The following APBA1 variants were observed in gnomAD, a reference collection of about 807,000 sequenced individuals.
APBA1 encodes amyloid-beta A4 precursor protein-binding family A member 1.
Under a neutral mutation model 86.6 loss-of-function variants are expected in APBA1, and 55 were observed. The observed-to-expected ratio is 0.64, with a 90% CI of 0.51 to 0.80. The LOEUF (loss-of-function observed/expected upper bound fraction) is 0.80, where lower values mean the gene tolerates loss of function less well. APBA1 is among the 30% of genes least tolerant of loss of function. The pLI, the probability that APBA1 is intolerant of heterozygous loss-of-function variation, is 0.00. For missense variants in APBA1, 1,090 were observed against 1,183.0 expected (o/e 0.92, Z 1.15); for synonymous variants, 511 against 493.9 (o/e 1.03, Z -0.46).
chr9:69,497,440 G>A (rs1000490511), intron 2 of APBA1, among the ~76,000 whole-genome samples: 1 of 152,030 alleles, frequency 6.6e-6, no homozygotes, highest in Non-Finnish European at 1.5e-5. Context: ...AATACACTGG[G>A]CCACACAGAG....
At chr9:69,434,266 A>C (rs2133783060) in intron 11 of APBA1, among the ~76,000 whole-genome samples, 1 of 152,254 alleles carries the variant, frequency 6.6e-6, no homozygotes, top group East Asian at 1.9e-4. Context: ...TCAAGCTGGC[A>C]GCCGGGAAGG....
chr9:69,512,691 A>C (rs1836070957), intron 2 of APBA1, among the ~76,000 whole-genome samples: 1 of 152,128 alleles, frequency 6.6e-6, no homozygotes, highest in Non-Finnish European at 1.5e-5. Flanking sequence ...TTTTCCTTTA[A>C]ATCAGTAGTT....
intron 1 of APBA1, among the ~76,000 whole-genome samples, chr9:69,627,214 T>C (rs1822950877): frequency 6.6e-6 from 1 of 152,126 alleles, no homozygotes; most frequent in South Asian, 2.1e-4. Flanking sequence ...AATTACACTG[T>C]TTTTTCAACT....
At chr9:69,457,944 T>C (rs1835126331) in intron 6 of APBA1, among the ~76,000 whole-genome samples, 1 of 152,174 alleles carries the variant, frequency 6.6e-6, no homozygotes, top group Non-Finnish European at 1.5e-5. Flanking sequence ...CTGTCGTTCC[T>C]CTGAAGTGAA....
At chr9:69,450,066 T>TTG (rs1554689321) in intron 9 of APBA1, among the ~76,000 whole-genome samples, 4 of 149,266 alleles carry the variant, frequency 2.7e-5, no homozygotes, top group African/African-American at 1.0e-4. Flanking sequence ...GTTTTTTTTT[T>TTG]TTTTTTTTTT....
chr9:69,606,627 G>A (rs1452433186), intron 1 of APBA1, among the ~76,000 whole-genome samples: 2 of 151,650 alleles, frequency 1.3e-5, no homozygotes, highest in African/African-American at 2.4e-5. Context: ...GAGTAGCTGG[G>A]ACTACAGGCG....
At chr9:69,482,052 T>C (rs962130628) in intron 2 of APBA1, among the ~76,000 whole-genome samples, 22 of 151,444 alleles carry the variant, frequency 1.5e-4, no homozygotes, top group African/African-American at 2.2e-4. Context: ...ATTCAGGACA[T>C]AGGCATGGGC....
chr9:69,586,577 C>T (rs758810223), intron 1 of APBA1, among the ~76,000 whole-genome samples: 2 of 152,128 alleles, frequency 1.3e-5, no homozygotes, highest in Non-Finnish European at 1.5e-5. Context: ...TTTCTCTAGC[C>T]ACAGTTTGGT....
chr9:69,431,255 C>T lies in APBA1; in HGVS notation c.*72G>A. 4.0e-6 allele frequency: 5 copies of T among 1,252,996 alleles called. No individual in the cohort carries two copies. The highest frequency in any genetic ancestry group is 1.1e-6 in the Non-Finnish European group (1 of 906,612). 77.6% of individuals were successfully genotyped at this position (1,252,996 alleles called of 1,614,324 possible). On this transcript the variant is annotated 3_prime_UTR_variant, in exon 13 of 13. Transcript: ENST00000265381. The stretch of plus-strand genomic sequence containing the variant: ...CGAGAGGGGAAAGTCTCAGTGGACA[C>T]AGGGATGCAGCACGAGAAACACAAC...
At position 69,516,202 on chromosome 9, in the gene APBA1, G is replaced by C; in HGVS notation, c.1009C>G (p.Arg337Gly). ...GPAGGGEAGQ[R>G]YSKEKRDAIS... ...GCATCGCGCTTCTCCTTGCTGTACCGCTGCCCCGCCTCGCCGCCGCCCGCG... is the reference window on the plus strand; with the variant it reads ...GCATCGCGCTTCTCCTTGCTGTACCCCTGCCCCGCCTCGCCGCCGCCCGCG... Residue 337 changes from arginine to glycine, a missense_variant, in exon 2 of 13, where the codon CGG becomes GGG. Coordinates refer to ENST00000265381, the MANE Select transcript of APBA1 (RefSeq NM_001163.4). This position sits in a 1 kb window ranked among gnomAD's most constrained non-coding sequence, Gnocchi z 7.3. The C allele has an allele frequency of 6.5e-7, 1 of 1,539,354 alleles. No individual in the cohort carries two copies. The highest frequency in any genetic ancestry group is 8.8e-7 in the Non-Finnish European group (1 of 1,142,496).
chr9:69,514,662 A>G (rs904371299), intron 2 of APBA1, among the ~76,000 whole-genome samples: 38 of 152,160 alleles, frequency 2.5e-4, no homozygotes, highest in African/African-American at 8.7e-4. Context: ...TAATCCCAGC[A>G]CTTGGGGAGG....
In APBA1 at chr9:69,550,257, T is replaced by G. The variant is rs918346391; in HGVS notation, c.-69-32978A>C. Reference sequence around the variant, plus strand: ...GGATGCAGTGATAAAAATAATAAACTTGATGGAAAATTATGCAATTTCTTT... The same window carrying G: ...GGATGCAGTGATAAAAATAATAAACGTGATGGAAAATTATGCAATTTCTTT... On this transcript the variant is annotated intron_variant, in intron 1 of 12. Coordinates refer to ENST00000265381, the MANE Select transcript of APBA1 (RefSeq NM_001163.4). Among the ~76,000 whole-genome samples, 6 of 152,326 alleles carry G rather than the reference T, an allele frequency of 3.9e-5. No individual in the cohort carries two copies. The East Asian group carries it at 1.2e-3, about 29-fold the overall frequency.
intron 1 of APBA1, among the ~76,000 whole-genome samples, chr9:69,668,547 A>G (rs1238825515): frequency 6.6e-6 from 1 of 152,140 alleles, no homozygotes; most frequent in Non-Finnish European, 1.5e-5. Flanking sequence ...ATAATACTAC[A>G]AAAGTATTGC....
chr9:69,669,373 AAAC>A (rs145540253), intron 1 of APBA1, among the ~76,000 whole-genome samples: 2,596 of 152,236 alleles, frequency 0.017, 72 homozygotes, highest in African/African-American at 0.058. Context: ...AAACAAAACA[AAAC>A]AACAACAACA....
chr9:69,433,769 C>T (rs1326319878), intron 11 of APBA1, among the ~76,000 whole-genome samples: 1 of 151,416 alleles, frequency 6.6e-6, no homozygotes, highest in Non-Finnish European at 1.5e-5. Flanking sequence ...ATTTCTAAAC[C>T]TTCAAATGTA....
At chr9:69,567,191 A>C (rs1019748676) in intron 1 of APBA1, among the ~76,000 whole-genome samples, 1 of 152,120 alleles carries the variant, frequency 6.6e-6, no homozygotes, top group Non-Finnish European at 1.5e-5. Flanking sequence ...TCATTTCCAC[A>C]CAGAAGAAAC....
chr9:69,445,887 G>A (rs1189791708), intron 10 of APBA1, among the ~76,000 whole-genome samples: 2 of 152,194 alleles, frequency 1.3e-5, no homozygotes, highest in African/African-American at 2.4e-5. Flanking sequence ...TGCCATCCCC[G>A]CCGCAAAGCC....
intron 8 of APBA1, 21 bp from the exon 9 acceptor site, chr9:69,452,322 G>C (rs1250479597): frequency 6.2e-7 from 1 of 1,612,746 alleles, no homozygotes; most frequent in Non-Finnish European, 8.5e-7. Context: ...AGCCAGAGAG[G>C]AAAGATGGTC....
At chr9:69,555,508 T>C (rs1303972390) in intron 1 of APBA1, among the ~76,000 whole-genome samples, 1 of 152,204 alleles carries the variant, frequency 6.6e-6, no homozygotes, top group Non-Finnish European at 1.5e-5. Context: ...ATTGGCAAAA[T>C]TCAAAGAATG....
Sources: gnomAD v4.1 joint callset for allele counts (sites outside exome capture counted in the v4.1 genomes callset) on GRCh38, gnomAD v4.1.1 for gene constraint, Gnocchi (gnomAD v3.1) non-coding constraint, MANE v1.5 for transcripts, NCBI Gene and HGNC (gene_info 2026-07-23, HGNC 2026-07-21) for gene names.